TRHDE: variants seen among roughly 807,000 people sequenced by gnomAD.
The protein encoded by TRHDE is thyrotropin-releasing hormone-degrading ectoenzyme.
In TRHDE, 72 loss-of-function variants were observed where a neutral mutation model predicts 125.7. That is an observed-to-expected ratio of 0.57 (90% CI 0.47 to 0.70). The LOEUF (loss-of-function observed/expected upper bound fraction) is 0.70. Ranked by LOEUF, TRHDE falls within the 30% of genes least tolerant of loss-of-function variation. The pLI is 0.00. For synonymous variants in TRHDE, 509 were observed against 509.1 expected (o/e 1.00, Z 0.00); for missense variants, 1,110 against 1,327.1 (o/e 0.84, Z 2.54).
chr12:72,597,328 C>T (rs769726243), intron 12 of TRHDE, among the ~76,000 whole-genome samples: 2 of 151,966 alleles, frequency 1.3e-5, no homozygotes, highest in Non-Finnish European at 2.9e-5. Context: ...TTAGCAATGT[C>T]GTGATTCTTT....
chr12:72,184,620 T>G (rs1005286154), intron 2 of TRHDE, among the ~76,000 whole-genome samples: 10 of 152,200 alleles, frequency 6.6e-5, no homozygotes, highest in Non-Finnish European at 1.5e-4. Context: ...GATATTTTTC[T>G]GTCTTCTTTC....
At position 72,286,497 on chromosome 12, in the gene TRHDE, T is replaced by C. The variant is rs142368426; in HGVS notation, c.915-184T>C. On this transcript the variant is annotated intron_variant, in intron 1 of 18. Transcript: ENST00000261180. ...GGCAGAAACCTCCCTGAAAAACTTT[T>C]ATGGTTGGGGAAGTATATTACATAT... Among the ~76,000 whole-genome samples the C allele has an allele frequency of 2.7e-4, 41 of 152,358 alleles. No homozygotes were observed. In the East Asian group the frequency reaches 7.7e-3, roughly 29 times the overall value.
rs1211349315 is a variant in TRHDE at position 72,642,308 on chromosome 12, G to A, written c.2676-10014G>A. ...TAATTTTTTCACTTTTACTTCTAAA[G>A]CATTTGCTTTGAGTAAGATAACAAA... On this transcript the variant is annotated intron_variant, in intron 15 of 18. Coordinates refer to ENST00000261180, the MANE Select transcript of TRHDE (RefSeq NM_013381.3). Among the ~76,000 whole-genome samples, 4 of 152,050 alleles carry A rather than the reference G, an allele frequency of 2.6e-5. 1 individual carries two copies. Among genetic ancestry groups the A allele is most frequent in the Non-Finnish European group, 5.9e-5 (4 of 68,006 alleles).
chr12:72,274,320 G>T (rs530342283), intron 1 of TRHDE, among the ~76,000 whole-genome samples: 11 of 152,306 alleles, frequency 7.2e-5, no homozygotes, highest in Admixed American at 4.6e-4. Flanking sequence ...AAAGCTAGTT[G>T]TCAGTCTCAA....
intron 2 of TRHDE, among the ~76,000 whole-genome samples, chr12:72,343,418 T>C (rs1294834244): frequency 6.6e-6 from 1 of 152,162 alleles, no homozygotes; most frequent in Non-Finnish European, 1.5e-5. Flanking sequence ...AATATGCCTA[T>C]GAATGGACTT....
At chr12:72,522,613 A>G (rs1868268341) in intron 6 of TRHDE, among the ~76,000 whole-genome samples, 1 of 152,242 alleles carries the variant, frequency 6.6e-6, no homozygotes, top group African/African-American at 2.4e-5. Context: ...ATGAAGCAAT[A>G]TCATACTTTA....
intron 3 of TRHDE, among the ~76,000 whole-genome samples, chr12:72,412,317 T>G (rs113546633): frequency 1.3e-5 from 2 of 152,152 alleles, no homozygotes; most frequent in Non-Finnish European, 1.5e-5. Context: ...ATGGTCAATG[T>G]GTATATAAAA....
At chr12:72,367,443 G>C (rs867688759) in intron 2 of TRHDE, among the ~76,000 whole-genome samples, 1 of 151,858 alleles carries the variant, frequency 6.6e-6, no homozygotes, top group Non-Finnish European at 1.5e-5. Flanking sequence ...CCTCCTTCCA[G>C]CTTCTTCTTT....
chr12:72,319,241 G>T (rs983427877), intron 2 of TRHDE, among the ~76,000 whole-genome samples: 1 of 152,144 alleles, frequency 6.6e-6, no homozygotes, highest in Admixed American at 6.5e-5. Context: ...GTCTCATAGA[G>T]GGGCCAGCTG....
intron 17 of TRHDE, 47 bp downstream of exon 17, chr12:72,653,203 A>G (rs1415952788): frequency 6.5e-7 from 1 of 1,538,142 alleles, no homozygotes. Context: ...AAGCCGACAT[A>G]GGAGGAATAA....
At chr12:72,175,069 G>A (rs889927531) in intron 2 of TRHDE, among the ~76,000 whole-genome samples, 2 of 152,010 alleles carry the variant, frequency 1.3e-5, no homozygotes, top group African/African-American at 4.8e-5. Flanking sequence ...TTCACTATAG[G>A]CACAGTATTG....
At chr12:72,424,255 A>G (rs1341266692) in intron 3 of TRHDE, among the ~76,000 whole-genome samples, 5 of 152,072 alleles carry the variant, frequency 3.3e-5, no homozygotes, top group Non-Finnish European at 5.9e-5. Context: ...GCCACACTCC[A>G]GTCTCTGCCT....
intron 2 of TRHDE, among the ~76,000 whole-genome samples, chr12:72,186,943 T>G (rs566849001): frequency 5.9e-5 from 9 of 152,216 alleles, no homozygotes; most frequent in African/African-American, 2.2e-4. Flanking sequence ...ATCAATTAGA[T>G]GATAGAAACT....
At chr12:72,548,788 A>T (rs1869541410) in intron 7 of TRHDE, among the ~76,000 whole-genome samples, 1 of 151,734 alleles carries the variant, frequency 6.6e-6, no homozygotes, top group South Asian at 2.1e-4. Flanking sequence ...TTTCAAACAA[A>T]ACAATATTGT....
At chr12:72,089,238 A>G (rs181178704) in intron 1 of TRHDE, among the ~76,000 whole-genome samples, 1 of 152,250 alleles carries the variant, frequency 6.6e-6, no homozygotes, top group Admixed American at 6.5e-5. Flanking sequence ...TTTGTTACCT[A>G]CATTGTTTCC....
intron 3 of TRHDE, among the ~76,000 whole-genome samples, chr12:72,399,351 T>C (rs1872938739): frequency 2.0e-5 from 3 of 152,210 alleles, no homozygotes; most frequent in Non-Finnish European, 2.9e-5. Flanking sequence ...GAGAGGAATA[T>C]CAATTTTTAT....
chr12:72,327,741 T>C (rs1430574723), intron 2 of TRHDE, among the ~76,000 whole-genome samples: 1 of 151,848 alleles, frequency 6.6e-6, no homozygotes, highest in East Asian at 1.9e-4. Context: ...TTCTCTTTTA[T>C]GGGATTAATT....
intron 2 of TRHDE, among the ~76,000 whole-genome samples, chr12:72,220,664 GA>G (rs1877982585): frequency 6.6e-6 from 1 of 152,062 alleles, no homozygotes; most frequent in Non-Finnish European, 1.5e-5. Flanking sequence ...CCCTTAGTCA[GA>G]AGTTATTTCT....
intron 3 of TRHDE, among the ~76,000 whole-genome samples, chr12:72,408,431 G>A (rs1318118459): frequency 6.6e-6 from 1 of 152,098 alleles, no homozygotes; most frequent in East Asian, 1.9e-4. Context: ...GTTTTTTGCA[G>A]AAAGGTATTT....
Sources: gnomAD v4.1 joint callset for allele counts (sites outside exome capture counted in the v4.1 genomes callset) on GRCh38, gnomAD v4.1.1 for gene constraint, MANE v1.5 for transcripts, NCBI Gene and HGNC (gene_info 2026-07-23, HGNC 2026-07-21) for gene names.